LAMC1: variants seen among roughly 807,000 people sequenced by gnomAD.
LAMC1 encodes the protein laminin subunit gamma-1.
Under a neutral mutation model 173.6 loss-of-function variants are expected in LAMC1, and 38 were observed. The observed-to-expected ratio is 0.22, with a 90% CI of 0.17 to 0.29. The LOEUF (loss-of-function observed/expected upper bound fraction) is 0.29. LAMC1 is among the 10% of genes least tolerant of loss of function. The pLI, the probability that LAMC1 is intolerant of heterozygous loss-of-function variation, is 1.00. For missense variants in LAMC1, 1,824 were observed against 2,051.8 expected (o/e 0.89, Z 2.14); for synonymous variants, 746 against 749.1 (o/e 1.00, Z 0.07).
chr1:183,083,719 T>A (rs933008613), intron 1 of LAMC1, among the ~76,000 whole-genome samples: 22 of 152,200 alleles, frequency 1.4e-4, no homozygotes, highest in African/African-American at 5.1e-4. Flanking sequence ...ATGTTTTAAA[T>A]CACATATATA....
chr1:183,126,477 C>T (rs1186162441), intron 16 of LAMC1, among the ~76,000 whole-genome samples: 1 of 152,220 alleles, frequency 6.6e-6, no homozygotes, highest in African/African-American at 2.4e-5. Flanking sequence ...TTTTCTTTTA[C>T]AACGTTTCTG....
chr1:183,137,907 A>G, intron 26 of LAMC1, 80 bp downstream of exon 26: 2 of 1,241,588 alleles, frequency 1.6e-6, no homozygotes, highest in Non-Finnish European at 1.1e-6. Flanking sequence ...TGTTGAGAAG[A>G]GTCTTTTTTA....
At chr1:183,034,857 C>T (rs1456325876) in intron 1 of LAMC1, among the ~76,000 whole-genome samples, 2 of 152,164 alleles carry the variant, frequency 1.3e-5, no homozygotes, top group African/African-American at 4.8e-5. Flanking sequence ...TGTCAAGTGC[C>T]TCCTGGTTAC....
rs1219696569 is a variant in LAMC1 at position 183,023,833 on chromosome 1, G to A, written c.117G>A (p.Glu39=). 2.5e-6 allele frequency: 4 copies of A among 1,597,830 alleles called. No individual in the cohort carries two copies. The highest frequency in any genetic ancestry group is 3.4e-6 in the Non-Finnish European group (4 of 1,171,786). Residue 39 remains glutamate (E), a synonymous_variant, in exon 1 of 28, where the codon GAG becomes GAA. Transcript: ENST00000258341. ...GCTGTGCCCAGGCAGCCATGGACGA[G>A]TGCACGGACGAGGGCGGGCGGCCGC... is the stretch of plus-strand genomic sequence containing the variant. ...AAGCAQAAMD[E]CTDEGGRPQR...
Position 183,023,975 on chromosome 1 carries a change from A to G in LAMC1, c.259A>G (p.Lys87Glu). The change falls in exon 1 of 28, where the codon AAG becomes GAG. Residue 87 changes from lysine to glutamate, a missense_variant. Transcript: ENST00000258341. ...GCAGACCGGGGTGACCGGGGTCACC[A>G]AGTCCTGTCACCTGTGCGACGCCGG... The part of the protein sequence containing the change: ...CVQTGVTGVT[K>E]SCHLCDAGQP... The G allele has an allele frequency of 6.2e-7, 1 of 1,613,256 alleles. No individual in the cohort carries two copies. The highest frequency in any genetic ancestry group is 1.1e-5 in the South Asian group (1 of 91,068).
chr1:183,102,047 C>T (rs193090838), intron 1 of LAMC1, among the ~76,000 whole-genome samples: 2 of 152,284 alleles, frequency 1.3e-5, no homozygotes, highest in African/African-American at 4.8e-5. Flanking sequence ...CAGGCCCCAC[C>T]CCACACAGAG....
intron 16 of LAMC1, 50 bp downstream of exon 16, chr1:183,126,312 A>G: frequency 6.3e-7 from 1 of 1,592,512 alleles, no homozygotes; most frequent in Non-Finnish European, 8.6e-7. Flanking sequence ...AATTCCAGTT[A>G]GTGTCTTAAG....
chr1:183,104,129 A>G (rs2102070087), intron 2 of LAMC1, among the ~76,000 whole-genome samples: 1 of 152,318 alleles, frequency 6.6e-6, no homozygotes, highest in African/African-American at 2.4e-5. Flanking sequence ...AATTTTGATT[A>G]GATTTGTCTG....
At chr1:183,062,206 TAAA>T (rs955382866) in intron 1 of LAMC1, among the ~76,000 whole-genome samples, 2 of 152,250 alleles carry the variant, frequency 1.3e-5, no homozygotes, top group African/African-American at 4.8e-5. Flanking sequence ...TTTGCAAAAT[TAAA>T]AAAGTTCAAA....
rs12071514 is a variant in LAMC1, at chr1:183,132,309, A to C, written c.3567-91A>C. On this transcript the variant is annotated intron_variant, in intron 20 of 27. Coordinates refer to ENST00000258341, the MANE Select transcript of LAMC1 (RefSeq NM_002293.4). The stretch of plus-strand genomic sequence containing the variant: ...TCCATTTCAAATAATAATAATAATA[A>C]TAATAATAATAAAGTAAGCATTACC... The C allele has an allele frequency of 0.64, 507,907 of 796,112 alleles. 166,943 individuals carry two copies. The highest frequency in any genetic ancestry group is 0.8 in the South Asian group (37,294 of 46,416). 49.3% of individuals were successfully genotyped at this position (796,112 alleles called of 1,614,324 possible).
At chr1:183,066,429 A>G (rs1031986068) in intron 1 of LAMC1, among the ~76,000 whole-genome samples, 4 of 152,196 alleles carry the variant, frequency 2.6e-5, no homozygotes, top group African/African-American at 7.2e-5. Context: ...CAGAAATACC[A>G]TTTGACTCAG....
At chr1:183,084,610 A>G (rs1162654959) in intron 1 of LAMC1, among the ~76,000 whole-genome samples, 4 of 152,220 alleles carry the variant, frequency 2.6e-5, no homozygotes, top group Non-Finnish European at 5.9e-5. Flanking sequence ...AAGAACTAGA[A>G]GATAAGACAG....
At chr1:183,117,205 A>G (rs980830636) in intron 8 of LAMC1, 115 bp from the exon 9 acceptor site, 17 of 1,114,120 alleles carry the variant, frequency 1.5e-5, no homozygotes, top group Non-Finnish European at 2.2e-5. Context: ...AAAAAGGTTT[A>G]TTGATGCCTT....
intron 20 of LAMC1, 75 bp downstream of exon 20, chr1:183,131,453 G>GTGTA: frequency 9.6e-7 from 1 of 1,040,688 alleles, no homozygotes; most frequent in Non-Finnish European, 1.5e-6. Context: ...GTGTGTGTGT[G>GTGTA]TGTGTGTATT....
At position 183,145,399 on chromosome 1, in the gene LAMC1, T is replaced by A. The variant is rs1199862143; in HGVS notation, c.*2609T>A. On this transcript the variant is annotated 3_prime_UTR_variant, in exon 28 of 28. Coordinates refer to ENST00000258341, the MANE Select transcript of LAMC1 (RefSeq NM_002293.4). ...GTTGACACAGGGATTATTATACTGC[T>A]ATTTTTCCCTGAATTTTTTTCCTTT... 6.6e-6 allele frequency: 1 copy of A among 152,650 alleles called. No homozygotes were observed. The allele number at this position is 152,650 out of a possible 1,614,324, so 9.5% of individuals were successfully genotyped here.
chr1:183,103,776 T>C (rs1655897459), intron 2 of LAMC1, 144 bp downstream of exon 2: 1 of 583,532 alleles, frequency 1.7e-6, no homozygotes, highest in African/African-American at 1.8e-5. Context: ...GAGAGCTTGA[T>C]TCTGCTCTCT....
rs118013862 is a variant in LAMC1, at chr1:183,024,900, G to A, written c.418+766G>A. ...AAGTGATGTTTCAGAAATCAGGAAAGGGATGTGTAGAAAACTTCATGGCAG... is the reference window on the plus strand; with the variant it reads ...AAGTGATGTTTCAGAAATCAGGAAAAGGATGTGTAGAAAACTTCATGGCAG... On this transcript the variant is annotated intron_variant, in intron 1 of 27. Transcript: ENST00000258341. 7.4e-4 allele frequency among the ~76,000 whole-genome samples: 112 copies of A among 152,358 alleles called. 1 individual carries two copies. The East Asian group carries it at 0.021, about 28-fold the overall frequency.
In LAMC1 at chr1:183,110,602, C is replaced by T. The variant is rs914260939; in HGVS notation, c.969C>T (p.Phe323=). 8.1e-6 allele frequency: 13 copies of T among 1,613,906 alleles called. No homozygotes were observed. Among genetic ancestry groups the T allele is most frequent in the Non-Finnish European group, 1.1e-5 (13 of 1,179,930 alleles). Residue 323 remains phenylalanine (F), a synonymous_variant, in exon 4 of 28, where the codon TTC becomes TTT. Coordinates refer to ENST00000258341, the MANE Select transcript of LAMC1 (RefSeq NM_002293.4). ...GVDCEKCLPF[F]NDRPWRRATA... is the part of the protein sequence containing the mutation. ...ACTGTGAAAAGTGTCTTCCTTTCTT[C>T]AATGACCGGCCGTGGAGGAGGGCAA...
At chr1:183,105,360 CTACAGCAAATTAT>C (rs1655951284) in intron 2 of LAMC1, among the ~76,000 whole-genome samples, 1 of 151,912 alleles carries the variant, frequency 6.6e-6, no homozygotes, top group African/African-American at 2.4e-5. Flanking sequence ...TCTTTCTTTC[CTACAGCAAATTAT>C]TGCATTTTCC....
Sources: gnomAD v4.1 joint callset for allele counts (sites outside exome capture counted in the v4.1 genomes callset) on GRCh38, gnomAD v4.1.1 for gene constraint, MANE v1.5 for transcripts, NCBI Gene and HGNC (gene_info 2026-07-23, HGNC 2026-07-21) for gene names.